Variants in DLGAP2 observed in about 807,000 individuals in gnomAD.
DLGAP2 encodes the protein DLG associated protein 2, also known as disks large-associated protein 2.
DLGAP2 carries 26 observed loss-of-function variants against 100.3 expected under a neutral mutation model. That is an observed-to-expected ratio of 0.26 (90% CI 0.19 to 0.36). The LOEUF is 0.36. Among genes scored for constraint, DLGAP2 ranks in the 10% least tolerant of loss-of-function variants. The probability of loss-of-function intolerance (pLI) is 1.00; values close to 1 mark genes in which losing one functional copy is unlikely to be tolerated. For missense variants in DLGAP2, 1,858 were observed against 1,453.2 expected (o/e 1.28, Z -4.53); for synonymous variants, 886 against 630.1 (o/e 1.41, Z -6.08).
intron 1 of DLGAP2, among the ~76,000 whole-genome samples, chr8:816,260 T>C (rs963721557): frequency 3.7e-4 from 53 of 141,364 alleles, no homozygotes; most frequent in African/African-American, 1.4e-3. Context: ...GCTATTTGTT[T>C]CCTGAATACC....
chr8:1,112,339 C>T lies in DLGAP2; in HGVS notation c.74-146512C>T, dbSNP rs1195544290. Among the ~76,000 whole-genome samples the T allele has an allele frequency of 7.7e-5, 11 of 143,362 alleles. No individual in the cohort carries two copies. The South Asian group carries it at 2.5e-3, about 32-fold the overall frequency. The allele number at this position is 143,362 out of a possible 152,430, so 94.1% of individuals were successfully genotyped here. On this transcript the variant is annotated intron_variant, in intron 2 of 14. Coordinates refer to ENST00000637795, the MANE Select transcript of DLGAP2 (RefSeq NM_001346810.2). Reference sequence around the variant, plus strand: ...CACTGCAAGCTCCGCCTCCCCGGTTCATGCCATACTCCTGACTCAGCCTCC... The same window carrying T: ...CACTGCAAGCTCCGCCTCCCCGGTTTATGCCATACTCCTGACTCAGCCTCC...
chr8:1,685,516 C>G (rs959323894), intron 12 of DLGAP2, among the ~76,000 whole-genome samples: 1 of 152,202 alleles, frequency 6.6e-6, no homozygotes, highest in Non-Finnish European at 1.5e-5. Flanking sequence ...AATCAACCCA[C>G]TGACCAGGCC....
At chr8:1,610,897 A>C (rs548728592) in intron 6 of DLGAP2, among the ~76,000 whole-genome samples, 1 of 115,346 alleles carries the variant, frequency 8.7e-6, no homozygotes, top group East Asian at 2.6e-4. Flanking sequence ...GCAATAATCA[A>C]TAGTTTACCA....
At chr8:1,334,000 A>G (rs1027324799) in intron 3 of DLGAP2, among the ~76,000 whole-genome samples, 1 of 152,240 alleles carries the variant, frequency 6.6e-6, no homozygotes, top group African/African-American at 2.4e-5. Flanking sequence ...TGAGGGCACC[A>G]TGCCGGGGAA....
chr8:1,454,932 C>T (rs917964762), intron 3 of DLGAP2, among the ~76,000 whole-genome samples: 2 of 152,186 alleles, frequency 1.3e-5, no homozygotes, highest in Non-Finnish European at 2.9e-5. Flanking sequence ...AGAACAGCCA[C>T]CTCTGAGCTT....
Position 1,350,158 on chromosome 8 carries a change from T to C in DLGAP2, c.106+91275T>C, listed in dbSNP as rs184766535. 1.7e-4 allele frequency among the ~76,000 whole-genome samples: 26 copies of C among 152,202 alleles called. 1 individual carries two copies. Among genetic ancestry groups the C allele is most frequent in the African/African-American group, 6.3e-4 (26 of 41,494 alleles). The stretch of plus-strand genomic sequence containing the variant: ...AAGAAATAAAAACATCCCCGACTAC[T>C]TCATGCTCTTGTGGCGTGGAAAGGC... On this transcript the variant is annotated intron_variant, in intron 3 of 14. Transcript: ENST00000637795.
chr8:1,256,105 GTGTGTCCTCTCCTGCCTGGGTGCTTTC>G (rs1396829159), intron 2 of DLGAP2, among the ~76,000 whole-genome samples: 29 of 132,982 alleles, frequency 2.2e-4, no homozygotes, highest in African/African-American at 8.6e-4. Context: ...GGCGCTGTGT[GTGTGTCCTCTCCTGCCTGGGTGCTTTC>G]TGTGTCCTCT....
chr8:1,492,610 C>T (rs1799421191), intron 3 of DLGAP2, among the ~76,000 whole-genome samples: 1 of 152,342 alleles, frequency 6.6e-6, no homozygotes, highest in African/African-American at 2.4e-5. Flanking sequence ...CCGAGGCCCA[C>T]GCCTGTCCCC....
At chr8:1,531,736 G>A (rs1256538213) in intron 4 of DLGAP2, among the ~76,000 whole-genome samples, 3 of 152,124 alleles carry the variant, frequency 2.0e-5, no homozygotes, top group Admixed American at 6.5e-5. Flanking sequence ...TGGTCTTGGT[G>A]TGTGCATAAC....
At chr8:1,643,393 C>T (rs1206276348) in intron 8 of DLGAP2, among the ~76,000 whole-genome samples, 2 of 18,748 alleles carry the variant, frequency 1.1e-4, no homozygotes, top group Non-Finnish European at 1.6e-4. Context: ...GTGTCACCCT[C>T]GACCCCGCCG....
At chr8:1,449,808 G>T (rs1798089719) in intron 3 of DLGAP2, among the ~76,000 whole-genome samples, 1 of 149,536 alleles carries the variant, frequency 6.7e-6, no homozygotes, top group South Asian at 2.1e-4. Context: ...CTGCCGTGAA[G>T]ACGAGGTGGG....
At chr8:1,042,386 G>A (rs1394948113) in intron 2 of DLGAP2, among the ~76,000 whole-genome samples, 1 of 152,190 alleles carries the variant, frequency 6.6e-6, no homozygotes, top group Non-Finnish European at 1.5e-5. Flanking sequence ...CATGTTAGAC[G>A]CAGAGGTGGC....
At chr8:1,319,937 C>G (rs1293519245) in intron 3 of DLGAP2, among the ~76,000 whole-genome samples, 1 of 152,106 alleles carries the variant, frequency 6.6e-6, no homozygotes, top group Non-Finnish European at 1.5e-5. Flanking sequence ...TGAGAATGTG[C>G]CAGGACTTAG....
At chr8:1,068,256 A>G (rs573385126) in intron 2 of DLGAP2, among the ~76,000 whole-genome samples, 2 of 152,354 alleles carry the variant, frequency 1.3e-5, no homozygotes, top group Non-Finnish European at 2.9e-5. Context: ...TGAAGCTGCC[A>G]TAAACATCTG....
chr8:1,668,222 G>A, intron 8 of DLGAP2, 107 bp from the exon 9 acceptor site: 8 of 1,067,658 alleles, frequency 7.5e-6, no homozygotes, highest in East Asian at 2.7e-5. Context: ...AGACGTCCAG[G>A]AACAGACTTG....
intron 4 of DLGAP2, among the ~76,000 whole-genome samples, chr8:1,515,538 G>C (rs540879327): frequency 4.1e-4 from 63 of 151,860 alleles, no homozygotes; most frequent in African/African-American, 1.5e-3. Context: ...AGACACACAT[G>C]CAGATGCACA....
intron 3 of DLGAP2, among the ~76,000 whole-genome samples, chr8:1,464,213 C>T (rs1160522840): frequency 1.3e-5 from 2 of 152,108 alleles, no homozygotes; most frequent in Admixed American, 6.5e-5. Context: ...CAACACCCTT[C>T]CAGGACGGCT....
intron 4 of DLGAP2, among the ~76,000 whole-genome samples, chr8:1,503,147 A>C (rs1361427895): frequency 6.6e-6 from 1 of 152,102 alleles, no homozygotes; most frequent in Non-Finnish European, 1.5e-5. Flanking sequence ...GACAGAAAGC[A>C]TTTTTTCATC....
At chr8:1,600,788 G>A (rs1425667235) in intron 6 of DLGAP2, among the ~76,000 whole-genome samples, 3 of 152,040 alleles carry the variant, frequency 2.0e-5, no homozygotes, top group Non-Finnish European at 4.4e-5. Flanking sequence ...CTTTTTTCAA[G>A]GTTCTTAGCT....
Sources: allele counts gnomAD v4.1 joint callset (sites outside exome capture counted in the v4.1 genomes callset), GRCh38; gene constraint gnomAD v4.1.1; transcripts MANE v1.5; gene names NCBI Gene and HGNC (gene_info 2026-07-23, HGNC 2026-07-21).